ALDH3B2: variants seen among roughly 807,000 people sequenced by gnomAD.
ALDH3B2 encodes the protein aldehyde dehydrogenase 3 family member B2, also known as aldehyde dehydrogenase family 3 member B2.
Under a neutral mutation model 36.7 loss-of-function variants are expected in ALDH3B2, and 45 were observed. The ratio of observed to expected loss-of-function variants is 1.23; its 90% CI spans 0.97 to 1.57. The LOEUF (loss-of-function observed/expected upper bound fraction) is 1.57. ALDH3B2 is among the 40% of genes most tolerant of loss of function. ALDH3B2 has a pLI of 0.00. For synonymous variants in ALDH3B2, 217 were observed against 226.5 expected, an observed-to-expected ratio of 0.96 and a Z score of 0.38; for missense variants, 464 against 513.3, an observed-to-expected ratio of 0.90 and a Z score of 0.93.
At chr11:67,673,009 C>T (rs1322061889) in intron 1 of ALDH3B2, among the ~76,000 whole-genome samples, 1 of 150,818 alleles carries the variant, frequency 6.6e-6, no homozygotes, top group Non-Finnish European at 1.5e-5. Flanking sequence ...CAGCTCACTG[C>T]AAACTCCGCC....
exon 10 of ALDH3B2, chr11:67,662,677 C>T: frequency 6.1e-6 from 1 of 163,146 alleles, no homozygotes; most frequent in Non-Finnish European, 1.4e-5. Flanking sequence ...GTGGATGGAG[C>T]TGCTGTGGGT....
intron 9 of ALDH3B2, 126 bp from the exon 10 acceptor site, chr11:67,663,525 C>A: frequency 7.2e-7 from 1 of 1,382,092 alleles, no homozygotes; most frequent in Admixed American, 2.1e-5. Context: ...ACTCACAGAG[C>A]CATTTTACAG....
At chr11:67,664,702 G>A in intron 7 of ALDH3B2, 140 bp from the exon 8 acceptor site, 1 of 1,287,434 alleles carries the variant, frequency 7.8e-7, no homozygotes, top group Non-Finnish European at 1.0e-6. Context: ...TTCAGGCTTT[G>A]GAGTGTTTAG....
At chr11:67,677,522 G>C (rs1903829), upstream of ALDH3B2, among the ~76,000 whole-genome samples, 12,573 of 152,038 alleles carry the variant, frequency 0.083, 584 homozygotes, top group Non-Finnish European at 0.099. Context: ...AAGTTGAAAG[G>C]CTTCCCGCAG....
At chr11:67,668,686 CTG>C (rs912122023) in intron 1 of ALDH3B2, among the ~76,000 whole-genome samples, 2 of 140,192 alleles carry the variant, frequency 1.4e-5, no homozygotes, top group Admixed American at 7.0e-5. Context: ...CTGTGTGTGT[CTG>C]TGTATGTATG....
chr11:67,664,962 G>C (rs957782090), intron 7 of ALDH3B2, among the ~76,000 whole-genome samples: 1 of 152,204 alleles, frequency 6.6e-6, no homozygotes, highest in Admixed American at 6.5e-5. Context: ...AGAACCTGGG[G>C]ATCATGGGCT....
chr11:67,678,031 G>A (rs1042119705), upstream of ALDH3B2, among the ~76,000 whole-genome samples: 5 of 152,092 alleles, frequency 3.3e-5, no homozygotes, highest in Non-Finnish European at 7.4e-5. Context: ...TGTGAAGATG[G>A]CCATACTGCC....
At chr11:67,663,801 T>A in intron 8 of ALDH3B2, 40 bp from the exon 9 acceptor site, 1 of 1,561,338 alleles carries the variant, frequency 6.4e-7, no homozygotes, top group Non-Finnish European at 8.8e-7. Context: ...GCTCTAGTCA[T>A]GAGAAGAGGG....
chr11:67,665,615 C>T, exon 7 of ALDH3B2: 2 of 1,613,920 alleles, frequency 1.2e-6, no homozygotes, highest in Non-Finnish European at 1.7e-6. Context: ...TCCAGGGTGA[C>T]AGGCGTCAGG....
chr11:67,672,081 A>G (rs867878460), intron 1 of ALDH3B2, among the ~76,000 whole-genome samples: 1,240 of 70,748 alleles, frequency 0.018, 107 homozygotes, highest in African/African-American at 0.06. Flanking sequence ...ATATATATAT[A>G]TATATATGTA....
At chr11:67,680,661 C>G (rs1405649287) in intron 1 of ALDH3B2, among the ~76,000 whole-genome samples, 1 of 152,286 alleles carries the variant, frequency 6.6e-6, no homozygotes, top group East Asian at 1.9e-4. Flanking sequence ...AAGTGATCCA[C>G]CTGCCTCGGC....
exon 10 of ALDH3B2, chr11:67,662,922 G>C (rs969535789): frequency 1.6e-5 from 7 of 435,630 alleles, no homozygotes; most frequent in South Asian, 2.9e-5. Context: ...CCCTGTGACT[G>C]GGTCTGGCCA....
At chr11:67,673,342 C>A (rs977835071) in intron 1 of ALDH3B2, among the ~76,000 whole-genome samples, 8 of 152,162 alleles carry the variant, frequency 5.3e-5, no homozygotes, top group African/African-American at 1.9e-4. Flanking sequence ...CTTGGCCAGC[C>A]CCCATGGAGC....
chr11:67,663,411 C>T lies in ALDH3B2; in HGVS notation c.974-12G>A, dbSNP rs1317709555. The T allele has an allele frequency of 1.2e-6, 2 of 1,604,404 alleles. No homozygotes were observed. The highest frequency in any genetic ancestry group is 1.8e-5 in the Admixed American group (1 of 57,062). On this transcript the variant is annotated splice_polypyrimidine_tract_variant and intron_variant, in intron 9 of 9. Transcript: ENST00000349015. The stretch of plus-strand genomic sequence containing the variant: ...CATCCCACTGTGGCCTGTGTGGGCA[C>T]AGAGAACAAGGGCCTGAGACCAGGC...
chr11:67,668,616 C>T (rs1034080127), intron 1 of ALDH3B2, among the ~76,000 whole-genome samples: 1 of 150,958 alleles, frequency 6.6e-6, no homozygotes, highest in African/African-American at 2.4e-5. Flanking sequence ...AGCTTTGTGT[C>T]TTTGTGTGTC....
At chr11:67,679,376 C>T (rs772938837), upstream of ALDH3B2, among the ~76,000 whole-genome samples, 4 of 151,608 alleles carry the variant, frequency 2.6e-5, no homozygotes, top group South Asian at 2.1e-4. Context: ...GAGGCTGAGG[C>T]AGGAGAATTA....
In ALDH3B2 at chr11:67,664,386, G is replaced by A. The variant is rs778408370; in HGVS notation, c.873+10C>T. ...CCCCTCCATTGCCCCCAACCCGGCC[G>A]CACCCCCACCTGGCTGCTGTTGGAG... On this transcript the variant is annotated intron_variant, in intron 8 of 9. Coordinates refer to ENST00000349015, the Ensembl canonical transcript of ALDH3B2. 13 of 1,613,736 alleles carry A rather than the reference G, an allele frequency of 8.1e-6. No homozygotes were observed. Among genetic ancestry groups the A allele is most frequent in the East Asian group, 2.2e-5 (1 of 44,884 alleles).
chr11:67,678,810 G>GTA (rs60270513), upstream of ALDH3B2, among the ~76,000 whole-genome samples: 4 of 150,402 alleles, frequency 2.7e-5, no homozygotes, highest in African/African-American at 9.8e-5. Flanking sequence ...TACACTAATG[G>GTA]TATATATATA....
At chr11:67,666,168 C>G (rs2134134185) in exon 6 of ALDH3B2, 1 of 1,614,236 alleles carries the variant, frequency 6.2e-7, no homozygotes, top group Middle Eastern at 1.6e-4. Context: ...GCTGCCCTGT[C>G]TCCTGGGGTC....
Sources: gnomAD v4.1 joint callset for allele counts (sites outside exome capture counted in the v4.1 genomes callset) on GRCh38, gnomAD v4.1.1 for gene constraint, MANE v1.5 for transcripts, NCBI Gene and HGNC (gene_info 2026-07-23, HGNC 2026-07-21) for gene names.